BABAM2: variants seen among roughly 807,000 people sequenced by gnomAD.
BABAM2 encodes the protein BRISC and BRCA1-A complex member 2.
A neutral mutation model predicts 54.7 loss-of-function variants in BABAM2; 31 were observed. The ratio of observed to expected loss-of-function variants is 0.57; its 90% CI spans 0.43 to 0.77. The LOEUF (loss-of-function observed/expected upper bound fraction) is 0.77. BABAM2 is among the 30% of genes least tolerant of loss of function. The pLI is 0.00. For missense variants in BABAM2, 364 were observed against 455.8 expected (o/e 0.80, Z 1.83); for synonymous variants, 167 against 162.9 (o/e 1.03, Z -0.19).
At chr2:27,924,559 T>G (rs370600356) in intron 2 of BABAM2, among the ~76,000 whole-genome samples, 1 of 152,110 alleles carries the variant, frequency 6.6e-6, no homozygotes, top group Non-Finnish European at 1.5e-5. Flanking sequence ...AATTTTTGTA[T>G]TTTTACTAAA....
chr2:28,053,987 GTTA>G (rs1472537332), intron 6 of BABAM2, among the ~76,000 whole-genome samples: 1 of 152,104 alleles, frequency 6.6e-6, no homozygotes, highest in Non-Finnish European at 1.5e-5. Context: ...AATATGTACA[GTTA>G]TTATTTGTCA....
intron 11 of BABAM2, among the ~76,000 whole-genome samples, chr2:28,306,969 T>C (rs1165232712): frequency 6.9e-6 from 1 of 145,814 alleles, no homozygotes; most frequent in Non-Finnish European, 1.5e-5. Context: ...GTGCTGGGAT[T>C]ACAGGCATGA....
chr2:27,926,274 A>G (rs1667700857), intron 2 of BABAM2, among the ~76,000 whole-genome samples: 1 of 151,402 alleles, frequency 6.6e-6, no homozygotes, highest in African/African-American at 2.4e-5. Flanking sequence ...CTGTGTCCTA[A>G]TCTTTTGCCC....
At chr2:28,200,833 A>G (rs1678187688) in intron 7 of BABAM2, among the ~76,000 whole-genome samples, 2 of 152,158 alleles carry the variant, frequency 1.3e-5, no homozygotes, top group East Asian at 1.9e-4. Flanking sequence ...CAGTGATGCA[A>G]TCTTGGCCCA....
chr2:27,964,807 G>C (rs910947342), intron 3 of BABAM2, among the ~76,000 whole-genome samples: 1 of 152,156 alleles, frequency 6.6e-6, no homozygotes, highest in East Asian at 1.9e-4. Flanking sequence ...TCTGTTCTCA[G>C]TTCTGGATTC....
intron 2 of BABAM2, among the ~76,000 whole-genome samples, chr2:27,916,491 T>C (rs541775118): frequency 2.2e-4 from 34 of 152,356 alleles, no homozygotes; most frequent in African/African-American, 7.9e-4. Context: ...GACATTTCTG[T>C]AACTTGTTTG....
At chr2:28,164,474 A>T (rs1326934600) in intron 7 of BABAM2, among the ~76,000 whole-genome samples, 1 of 151,904 alleles carries the variant, frequency 6.6e-6, no homozygotes, top group Non-Finnish European at 1.5e-5. Context: ...TCATGTTCCG[A>T]GTGAACAGAT....
intron 10 of BABAM2, among the ~76,000 whole-genome samples, chr2:28,255,311 T>A (rs546950327): frequency 4.6e-5 from 7 of 152,332 alleles, no homozygotes; most frequent in African/African-American, 1.7e-4. Flanking sequence ...TCTCACTTTG[T>A]TGCCCAGGCT....
At chr2:28,136,491 G>C (rs1386117341) in intron 7 of BABAM2, among the ~76,000 whole-genome samples, 2 of 152,272 alleles carry the variant, frequency 1.3e-5, no homozygotes, top group Non-Finnish European at 2.9e-5. Flanking sequence ...TGGAGAGGCA[G>C]AAAGCTGTGA....
rs1043791869 is a variant in BABAM2 at position 28,329,680 on chromosome 2, G to T, written c.1089-8770G>T. On this transcript the variant is annotated intron_variant, in intron 11 of 11. Transcript: ENST00000379624. This position sits in a 1 kb window ranked among gnomAD's most constrained non-coding sequence, Gnocchi z 4.2. ...ACCAATAACAAGTTCTGAAATTGAG[G>T]CAGTAATAAATAGCCTACCAACCAA... Among the ~76,000 whole-genome samples the T allele has an allele frequency of 3.3e-5, 5 of 152,144 alleles. No individual in the cohort carries two copies. The highest frequency in any genetic ancestry group is 1.2e-4 in the African/African-American group (5 of 41,420).
intron 2 of BABAM2, among the ~76,000 whole-genome samples, chr2:27,916,196 A>C (rs1203951667): frequency 2.6e-5 from 4 of 152,236 alleles, no homozygotes; most frequent in Non-Finnish European, 5.9e-5. Context: ...AATAGTATGC[A>C]AATAATATAA....
chr2:27,897,331 G>GT, intron 2 of BABAM2: 1 of 152,286 alleles, frequency 6.6e-6, no homozygotes, highest in Non-Finnish European at 1.5e-5. Context: ...TTCTTTAGTG[G>GT]TAAGATAAAA....
intron 11 of BABAM2, chr2:28,308,254 C>T: frequency 2.5e-6 from 1 of 400,558 alleles, no homozygotes; most frequent in Non-Finnish European, 4.8e-6. Flanking sequence ...TAAAGGTGTC[C>T]ACAGCCACAA....
chr2:28,059,839 T>C (rs1461590840), intron 6 of BABAM2, among the ~76,000 whole-genome samples: 3 of 152,200 alleles, frequency 2.0e-5, no homozygotes, highest in Non-Finnish European at 4.4e-5. Flanking sequence ...AGTAGATAAT[T>C]TGGATAGCCT....
chr2:28,232,529 A>G (rs984120164), intron 7 of BABAM2, among the ~76,000 whole-genome samples: 4 of 152,220 alleles, frequency 2.6e-5, no homozygotes, highest in Non-Finnish European at 5.9e-5. Context: ...AGAATGTACC[A>G]ACCCAAACCT....
At chr2:28,100,319 G>A (rs974336937) in intron 6 of BABAM2, among the ~76,000 whole-genome samples, 1 of 151,956 alleles carries the variant, frequency 6.6e-6, no homozygotes, top group African/African-American at 2.4e-5. Flanking sequence ...AATTAACCGG[G>A]TGTGGTGGCG....
intron 3 of BABAM2, among the ~76,000 whole-genome samples, chr2:27,934,658 G>C (rs1235564085): frequency 6.6e-6 from 1 of 152,230 alleles, no homozygotes; most frequent in Non-Finnish European, 1.5e-5. Flanking sequence ...TGAATGCAAA[G>C]AAAAATTTCT....
chr2:28,076,168 G>A (rs1035544069), intron 6 of BABAM2, among the ~76,000 whole-genome samples: 3 of 152,196 alleles, frequency 2.0e-5, no homozygotes, highest in South Asian at 4.1e-4. Flanking sequence ...CAGCATACAA[G>A]GGGGCTAAGG....
intron 2 of BABAM2, 35 bp downstream of exon 2, chr2:27,894,719 A>G: frequency 3.7e-6 from 6 of 1,611,686 alleles, no homozygotes; most frequent in Non-Finnish European, 5.1e-6. Context: ...AATGTACCAG[A>G]ACCAATTCAA....
Sources: gnomAD v4.1 joint callset for allele counts (sites outside exome capture counted in the v4.1 genomes callset) on GRCh38, gnomAD v4.1.1 for gene constraint, Gnocchi (gnomAD v3.1) non-coding constraint, MANE v1.5 for transcripts, NCBI Gene and HGNC (gene_info 2026-07-23, HGNC 2026-07-21) for gene names.